Variants in SLC9A9 observed in about 807,000 individuals in gnomAD.
SLC9A9 encodes solute carrier family 9 member A9.
SLC9A9 carries 62 observed loss-of-function variants against 77.8 expected under a neutral mutation model. The observed-to-expected ratio is 0.80, with a 90% CI of 0.65 to 0.98. SLC9A9 has a LOEUF of 0.98. Among genes scored for constraint, SLC9A9 ranks in the 50% least tolerant of loss-of-function variants. SLC9A9 has a pLI of 0.00. For synonymous variants in SLC9A9, 320 were observed against 283.5 expected (o/e 1.13, Z -1.29); for missense variants, 775 against 774.9 (o/e 1.00, Z 0.00).
At chr3:143,571,781 A>C (rs2037261795) in intron 8 of SLC9A9, among the ~76,000 whole-genome samples, 1 of 152,176 alleles carries the variant, frequency 6.6e-6, no homozygotes, top group Admixed American at 6.6e-5. Flanking sequence ...AGAGCACTTG[A>C]GTGTTTACCC....
chr3:143,475,636 C>CA, intron 11 of SLC9A9, among the ~76,000 whole-genome samples: 2 of 151,802 alleles, frequency 1.3e-5, no homozygotes, highest in Non-Finnish European at 2.9e-5. Context: ...ACTACAAGTA[C>CA]AAAAAATTAG....
intron 1 of SLC9A9, among the ~76,000 whole-genome samples, chr3:143,841,985 C>A (rs1232086040): frequency 2.0e-5 from 3 of 152,118 alleles, no homozygotes; most frequent in Non-Finnish European, 4.4e-5. Flanking sequence ...GAACTCCTGA[C>A]CTCAGGTGAT....
intron 14 of SLC9A9, among the ~76,000 whole-genome samples, chr3:143,329,671 C>T (rs143953261): frequency 2.0e-5 from 3 of 152,182 alleles, no homozygotes; most frequent in Admixed American, 2.0e-4. Context: ...GCAGAGGGAG[C>T]TTCACTTCTG....
At chr3:143,349,936 C>G (rs2032402882) in intron 14 of SLC9A9, among the ~76,000 whole-genome samples, 1 of 152,164 alleles carries the variant, frequency 6.6e-6, no homozygotes, top group Admixed American at 6.5e-5. Context: ...TAGAGAACTC[C>G]ATCCGCGAGG....
intron 8 of SLC9A9, among the ~76,000 whole-genome samples, chr3:143,567,132 A>G (rs1174924643): frequency 6.6e-6 from 1 of 152,124 alleles, no homozygotes; most frequent in African/African-American, 2.4e-5. Context: ...TACCTCACAG[A>G]GAGAATTCCT....
chr3:143,272,687 AC>A (rs1280113005), intron 14 of SLC9A9, among the ~76,000 whole-genome samples: 1 of 152,174 alleles, frequency 6.6e-6, no homozygotes, highest in African/African-American at 2.4e-5. Context: ...ATTAAAAAAA[AC>A]CCAACGGCAG....
At chr3:143,291,587 G>T (rs1202207896) in intron 14 of SLC9A9, among the ~76,000 whole-genome samples, 2 of 152,126 alleles carry the variant, frequency 1.3e-5, no homozygotes, top group Admixed American at 1.3e-4. Flanking sequence ...AAAGGCTATT[G>T]GGCTGGAGAC....
intron 9 of SLC9A9, among the ~76,000 whole-genome samples, chr3:143,550,403 CTTT>C (rs2036860987): frequency 6.6e-6 from 1 of 152,166 alleles, no homozygotes; most frequent in Non-Finnish European, 1.5e-5. Flanking sequence ...TGCCATATAA[CTTT>C]GCAGTGATCT....
intron 12 of SLC9A9, among the ~76,000 whole-genome samples, chr3:143,451,806 T>TTTTGGGA (rs2035012962): frequency 6.6e-6 from 1 of 152,150 alleles, no homozygotes; most frequent in Admixed American, 6.6e-5. Flanking sequence ...GGATAAGACA[T>TTTTGGGA]ATCAGAGTAA....
At chr3:143,557,925 C>T (rs1439789792) in intron 8 of SLC9A9, among the ~76,000 whole-genome samples, 2 of 152,190 alleles carry the variant, frequency 1.3e-5, no homozygotes, top group Non-Finnish European at 2.9e-5. Context: ...TAATGAGAAG[C>T]CAAATGTTAA....
chr3:143,284,078 T>A (rs996069984), intron 14 of SLC9A9, among the ~76,000 whole-genome samples: 1 of 152,002 alleles, frequency 6.6e-6, no homozygotes, highest in Non-Finnish European at 1.5e-5. Context: ...AGATCCAGAT[T>A]TAAGCCAAAC....
rs1284798228 is a variant in SLC9A9, at chr3:143,342,086, G to A, written c.1604+21398C>T. Among the ~76,000 whole-genome samples the A allele has an allele frequency of 3.3e-5, 5 of 152,302 alleles. No homozygotes were observed. In the South Asian group the frequency reaches 8.3e-4, roughly 25 times the overall value. On this transcript the variant is annotated intron_variant, in intron 14 of 15. Transcript: ENST00000316549. Reference sequence around the variant, plus strand: ...CTCAGTAGGAGGCAAAGGTGGAAACGTGGAAACTATGGTTATAAGGTTCAT... The same window carrying A: ...CTCAGTAGGAGGCAAAGGTGGAAACATGGAAACTATGGTTATAAGGTTCAT...
intron 11 of SLC9A9, 132 bp downstream of exon 11, chr3:143,493,521 G>C: frequency 1.3e-6 from 1 of 748,720 alleles, no homozygotes; most frequent in Non-Finnish European, 2.3e-6. Context: ...CGGAGAATCA[G>C]CATAGTGTTA....
At chr3:143,847,993 G>A in intron 1 of SLC9A9, 155 bp downstream of exon 1, 1 of 806,350 alleles carries the variant, frequency 1.2e-6, no homozygotes, top group South Asian at 1.6e-5. Flanking sequence ...TCTGTAAAGA[G>A]ATTAGCATTC....
intron 2 of SLC9A9, among the ~76,000 whole-genome samples, chr3:143,828,510 A>G (rs1007228710): frequency 1.3e-5 from 2 of 152,142 alleles, no homozygotes; most frequent in African/African-American, 4.8e-5. Context: ...ATAATTTCAG[A>G]TGATGTCAAG....
chr3:143,728,145 C>G (rs969443317), intron 4 of SLC9A9, among the ~76,000 whole-genome samples: 4 of 152,192 alleles, frequency 2.6e-5, no homozygotes, highest in African/African-American at 7.2e-5. Context: ...GGGTGAGGCA[C>G]TCGAGGCTGA....
intron 2 of SLC9A9, among the ~76,000 whole-genome samples, chr3:143,817,507 G>C (rs2009053169): frequency 6.6e-6 from 1 of 152,054 alleles, no homozygotes; most frequent in East Asian, 1.9e-4. Context: ...TTGTGCTTTT[G>C]GTGATATCTT....
intron 14 of SLC9A9, among the ~76,000 whole-genome samples, chr3:143,285,289 T>C (rs1938352240): frequency 6.6e-6 from 1 of 152,196 alleles, no homozygotes; most frequent in African/African-American, 2.4e-5. Flanking sequence ...TGTGTCCATG[T>C]GTTCTCATTA....
rs149966596 is a variant in SLC9A9, at chr3:143,641,678, C to A, written c.755+10577G>T. On this transcript the variant is annotated intron_variant, in intron 6 of 15. Coordinates refer to ENST00000316549, the MANE Select transcript of SLC9A9 (RefSeq NM_173653.4). ...AAAGTGCTGGGATTACAGGCGTGAG[C>A]CACTGTGCCCGGCCTGTTGTCGCAG... 4.0e-3 allele frequency among the ~76,000 whole-genome samples: 615 copies of A among 152,304 alleles called. 3 individuals carry two copies. The highest frequency in any genetic ancestry group is 0.014 in the African/African-American group (587 of 41,544).
Sources: gnomAD v4.1 joint callset for allele counts (sites outside exome capture counted in the v4.1 genomes callset) on GRCh38, gnomAD v4.1.1 for gene constraint, MANE v1.5 for transcripts, NCBI Gene and HGNC (gene_info 2026-07-23, HGNC 2026-07-21) for gene names.